Variants in NRXN1 observed in about 807,000 individuals in gnomAD.
NRXN1 encodes neurexin-1.
A neutral mutation model predicts 150.9 loss-of-function variants in NRXN1; 39 were observed. The observed-to-expected ratio is 0.26, with a 90% CI of 0.20 to 0.34. The LOEUF (loss-of-function observed/expected upper bound fraction) is 0.34, where lower values mean the gene tolerates loss of function less well. Ranked by LOEUF, NRXN1 falls within the 10% of genes least tolerant of loss-of-function variation. The pLI is 1.00. For missense variants in NRXN1, 1,815 were observed against 1,949.9 expected (o/e 0.93, Z 1.30); for synonymous variants, 924 against 757.0 (o/e 1.22, Z -3.62).
intron 2 of NRXN1, among the ~76,000 whole-genome samples, chr2:51,003,986 A>G (rs1700384537): frequency 6.6e-6 from 1 of 151,750 alleles, no homozygotes; most frequent in African/African-American, 2.4e-5. Flanking sequence ...TCCTCCCAGA[A>G]TGCCTTCGCT....
At chr2:50,325,054 T>G (rs2076295495) in intron 17 of NRXN1, among the ~76,000 whole-genome samples, 1 of 152,138 alleles carries the variant, frequency 6.6e-6, no homozygotes, top group African/African-American at 2.4e-5. Flanking sequence ...TGAGGATAGT[T>G]GATGAAATTA....
intron 5 of NRXN1, among the ~76,000 whole-genome samples, chr2:50,698,886 A>G (rs566989433): frequency 6.6e-6 from 1 of 152,204 alleles, no homozygotes; most frequent in Non-Finnish European, 1.5e-5. Flanking sequence ...AGTACACTTT[A>G]AAGCTGTCCA....
intron 5 of NRXN1, among the ~76,000 whole-genome samples, chr2:50,821,898 T>C (rs1669793492): frequency 6.6e-6 from 1 of 152,144 alleles, no homozygotes; most frequent in Admixed American, 6.6e-5. Context: ...ATCTACTCAG[T>C]TCTGGAAATG....
At chr2:50,917,374 A>T (rs551229121) in intron 5 of NRXN1, 2 of 151,892 alleles carry the variant, frequency 1.3e-5, no homozygotes, top group South Asian at 4.1e-4. Context: ...AAAAAGCATA[A>T]AACAAATATG....
intron 5 of NRXN1, among the ~76,000 whole-genome samples, chr2:50,855,962 CTA>C (rs1675215846): frequency 6.6e-6 from 1 of 151,108 alleles, no homozygotes; most frequent in Non-Finnish European, 1.5e-5. Flanking sequence ...CCTTAAAATC[CTA>C]TGTCTTTCTA....
chr2:49,951,286 CA>C (rs892361650), intron 21 of NRXN1, among the ~76,000 whole-genome samples: 3 of 151,870 alleles, frequency 2.0e-5, no homozygotes, highest in African/African-American at 7.2e-5. Flanking sequence ...AGAAAACCTA[CA>C]AATAAGGAAC....
At chr2:50,176,427 C>T (rs1450508025) in intron 18 of NRXN1, among the ~76,000 whole-genome samples, 1 of 152,012 alleles carries the variant, frequency 6.6e-6, no homozygotes, top group African/African-American at 2.4e-5. Context: ...AGGGGCCTTT[C>T]CTGTGAATTT....
intron 14 of NRXN1, 49 bp from the exon 15 acceptor site, chr2:50,496,144 G>C (rs1383040687): frequency 7.0e-7 from 1 of 1,437,326 alleles, no homozygotes; most frequent in Non-Finnish European, 9.6e-7. Context: ...TTTAAATTTT[G>C]ATGAACCTAA....
Position 50,496,083 on chromosome 2 carries a change from G to T in NRXN1, c.2892C>A (p.Tyr964Ter). ...VVELVKGYLH[Y>*]VFDLGNGANL... is the part of the protein sequence containing the mutation. ...TAGCACCATTTCCCAAATCAAACACGTAATGTAAGTACCTGGGAAAAAAAT... is the reference window on the plus strand; with the variant it reads ...TAGCACCATTTCCCAAATCAAACACTTAATGTAAGTACCTGGGAAAAAAAT... Residue 964 changes from tyrosine to a stop codon, truncating the protein, a stop_gained, in exon 15 of 23, where the codon TAC becomes TAA. Transcript: ENST00000401669. LOFTEE classifies it high-confidence loss of function. 1 of 1,600,316 alleles carries T rather than the reference G, an allele frequency of 6.2e-7. No individual in the cohort carries two copies.
intron 21 of NRXN1, among the ~76,000 whole-genome samples, chr2:49,984,552 C>T (rs2152512057): frequency 6.6e-6 from 1 of 152,228 alleles, no homozygotes; most frequent in East Asian, 1.9e-4. Flanking sequence ...TCCTTTCTCT[C>T]CTCTTTTATG....
At chr2:49,928,806 G>T (rs957682957) in intron 22 of NRXN1, among the ~76,000 whole-genome samples, 1 of 152,086 alleles carries the variant, frequency 6.6e-6, no homozygotes, top group African/African-American at 2.4e-5. Context: ...CGGTGGTTTT[G>T]TAAGAAGTGA....
intron 2 of NRXN1, among the ~76,000 whole-genome samples, chr2:50,946,501 T>C (rs953785360): frequency 1.3e-5 from 2 of 152,128 alleles, no homozygotes; most frequent in Admixed American, 1.3e-4. Flanking sequence ...ATATAGATTA[T>C]TCTGAACAGT....
intron 5 of NRXN1, among the ~76,000 whole-genome samples, chr2:50,825,010 A>C (rs1670254024): frequency 6.6e-6 from 1 of 152,136 alleles, no homozygotes; most frequent in African/African-American, 2.4e-5. Context: ...TAGAGAAGAA[A>C]AGTCAAAAAA....
intron 5 of NRXN1, among the ~76,000 whole-genome samples, chr2:50,749,597 T>G (rs1004375330): frequency 6.6e-6 from 1 of 152,092 alleles, no homozygotes; most frequent in South Asian, 2.1e-4. Flanking sequence ...AACATGTTCA[T>G]CTTTTAAAAA....
chr2:50,773,659 G>A (rs1164333391), intron 5 of NRXN1, among the ~76,000 whole-genome samples: 2 of 152,140 alleles, frequency 1.3e-5, no homozygotes, highest in Non-Finnish European at 2.9e-5. Flanking sequence ...TGCTCAGGGG[G>A]ATGAGCTCAC....
At chr2:50,064,966 T>C (rs1360350040) in intron 19 of NRXN1, among the ~76,000 whole-genome samples, 1 of 152,110 alleles carries the variant, frequency 6.6e-6, no homozygotes, top group East Asian at 1.9e-4. Flanking sequence ...CACTGAATGA[T>C]GAACACACAC....
chr2:50,925,439 A>C (rs1686716715), intron 3 of NRXN1, among the ~76,000 whole-genome samples: 2 of 151,868 alleles, frequency 1.3e-5, no homozygotes, highest in African/African-American at 4.8e-5. Context: ...CTTATTTTTT[A>C]ATCTAAATTT....
intron 18 of NRXN1, among the ~76,000 whole-genome samples, chr2:50,158,141 G>C (rs1052702900): frequency 1.4e-5 from 2 of 145,568 alleles, no homozygotes; most frequent in African/African-American, 5.0e-5. Context: ...GGAATTAAAG[G>C]GTCACAAGAA....
At chr2:50,458,233 A>G (rs1463122819) in intron 17 of NRXN1, among the ~76,000 whole-genome samples, 3 of 152,122 alleles carry the variant, frequency 2.0e-5, no homozygotes, top group African/African-American at 7.2e-5. Context: ...AGTAAAATTG[A>G]CCTCTTGGAG....
Sources: allele counts gnomAD v4.1 joint callset (sites outside exome capture counted in the v4.1 genomes callset), GRCh38; gene constraint gnomAD v4.1.1; transcripts MANE v1.5; gene names NCBI Gene and HGNC (gene_info 2026-07-23, HGNC 2026-07-21).